CUX1: variants seen among roughly 807,000 people sequenced by gnomAD.
CUX1 encodes the protein protein CASP.
In CUX1, 31 loss-of-function variants were observed where a neutral mutation model predicts 158.8. That is an observed-to-expected ratio of 0.20 (90% CI 0.15 to 0.26). CUX1 has a LOEUF of 0.26. Among genes scored for constraint, CUX1 ranks in the 10% least tolerant of loss-of-function variants. The pLI, the probability that CUX1 is intolerant of heterozygous loss-of-function variation, is 1.00. For synonymous variants in CUX1, 879 were observed against 862.1 expected (o/e 1.02, Z -0.34); for missense variants, 1,589 against 2,014.6 (o/e 0.79, Z 4.04).
At chr7:102,182,975 A>C (rs1359139161) in intron 11 of CUX1, among the ~76,000 whole-genome samples, 7 of 152,166 alleles carry the variant, frequency 4.6e-5, no homozygotes, top group African/African-American at 1.7e-4. Context: ...CATGCGTTAG[A>C]ATCACCTAGG....
chr7:101,973,064 C>T, intron 2 of CUX1, among the ~76,000 whole-genome samples: 1 of 152,226 alleles, frequency 6.6e-6, no homozygotes, highest in Non-Finnish European at 1.5e-5. Context: ...GAAATCCCCG[C>T]ATGCACCTTC....
At chr7:102,074,357 G>A (rs1042219767) in intron 4 of CUX1, among the ~76,000 whole-genome samples, 2 of 152,196 alleles carry the variant, frequency 1.3e-5, no homozygotes, top group South Asian at 2.1e-4. Flanking sequence ...AGGGAGAGCC[G>A]CCAAGCTGGC....
chr7:101,956,642 A>C (rs1266703415), intron 2 of CUX1, among the ~76,000 whole-genome samples: 1 of 152,188 alleles, frequency 6.6e-6, no homozygotes, highest in African/African-American at 2.4e-5. Flanking sequence ...CCAAGGAAAA[A>C]AATTAGAAAT....
chr7:101,968,656 C>A (rs1406253569), intron 2 of CUX1, among the ~76,000 whole-genome samples: 1 of 152,160 alleles, frequency 6.6e-6, no homozygotes, highest in East Asian at 1.9e-4. Flanking sequence ...CTCCTGGCCT[C>A]AAGTGATCCA....
intron 2 of CUX1, among the ~76,000 whole-genome samples, chr7:101,989,027 G>T (rs545043108): frequency 1.3e-5 from 2 of 151,624 alleles, no homozygotes; most frequent in African/African-American, 4.9e-5. Context: ...AATAATATTT[G>T]TAGGGGAAGG....
At chr7:102,130,987 G>A (rs1554496989) in intron 8 of CUX1, among the ~76,000 whole-genome samples, 1 of 150,592 alleles carries the variant, frequency 6.6e-6, no homozygotes, top group African/African-American at 2.4e-5. Context: ...TGTCTCTACT[G>A]AAAATACGAA....
chr7:102,282,930 A>C (rs1175610541), intron 22 of CUX1: 4 of 577,860 alleles, frequency 6.9e-6, no homozygotes, highest in Admixed American at 3.0e-5. Flanking sequence ...CCCGGTATCC[A>C]CTACCCCCTA....
intron 1 of CUX1, among the ~76,000 whole-genome samples, chr7:101,874,679 G>T (rs2970495): frequency 6.6e-6 from 1 of 152,020 alleles, no homozygotes; most frequent in Non-Finnish European, 1.5e-5. Flanking sequence ...GGTTCTGCCC[G>T]GGTTTCTGTC....
At chr7:101,865,902 CA>C (rs1797887035) in intron 1 of CUX1, among the ~76,000 whole-genome samples, 1 of 152,174 alleles carries the variant, frequency 6.6e-6, no homozygotes, top group South Asian at 2.1e-4. Flanking sequence ...GAGACCTTGG[CA>C]ACGCAGGCGA....
chr7:102,273,603 C>T, intron 15 of CUX1: 1 of 1,352,310 alleles, frequency 7.4e-7, no homozygotes, highest in Non-Finnish European at 1.0e-6. Flanking sequence ...CTGGTGACAA[C>T]CCAGAAGGGC....
intron 1 of CUX1, among the ~76,000 whole-genome samples, chr7:101,850,853 C>G (rs1359200724): frequency 6.6e-6 from 1 of 152,200 alleles, no homozygotes; most frequent in Non-Finnish European, 1.5e-5. Context: ...AATTCCAGTG[C>G]TTTGGAAGGC....
chr7:102,237,395 C>T (rs1799683122), intron 22 of CUX1, among the ~76,000 whole-genome samples: 1 of 151,868 alleles, frequency 6.6e-6, no homozygotes, highest in Non-Finnish European at 1.5e-5. Flanking sequence ...GTGATCCTCC[C>T]ATCCCAGCTA....
intron 20 of CUX1, among the ~76,000 whole-genome samples, chr7:102,227,142 C>T (rs1183938356): frequency 1.3e-5 from 2 of 151,956 alleles, no homozygotes; most frequent in African/African-American, 2.4e-5. Flanking sequence ...TCTTTTAAAC[C>T]CCTAGTTTTT....
rs576575879 is a variant in CUX1 at position 102,193,942 on chromosome 7, A to G, written c.1125+52A>G. ...ACTAGCATCAGCCCCGCTGCTGGTTACCACTGGTCCCTCCGGCATATCCCA... is the reference window on the plus strand; with the variant it reads ...ACTAGCATCAGCCCCGCTGCTGGTTGCCACTGGTCCCTCCGGCATATCCCA... On this transcript the variant is annotated intron_variant, in intron 13 of 23. Coordinates refer to ENST00000292535, the MANE Select transcript of CUX1 (RefSeq NM_181552.4). The G allele has an allele frequency of 8.3e-6, 13 of 1,563,320 alleles. No individual in the cohort carries two copies. The Admixed American group carries it at 1.8e-4, about 22-fold the overall frequency.
intron 1 of CUX1, among the ~76,000 whole-genome samples, chr7:101,895,099 C>T (rs746262925): frequency 3.3e-5 from 5 of 152,134 alleles, no homozygotes; most frequent in Admixed American, 6.5e-5. Context: ...TGGCTCACTG[C>T]AACCTCTGCC....
rs1792045467 is a variant in CUX1 at position 101,817,816 on chromosome 7, G to A, written c.30+147G>A. 10 of 927,598 alleles carry A rather than the reference G, an allele frequency of 1.1e-5. No homozygotes were observed. Among genetic ancestry groups the A allele is most frequent in the African/African-American group, 1.7e-5 (1 of 59,082 alleles). 57.5% of individuals were successfully genotyped at this position (927,598 alleles called of 1,614,324 possible). A position where few individuals can be genotyped will look rare whatever the true frequency, so the allele number is the denominator to read the frequency against. On this transcript the variant is annotated intron_variant, in intron 1 of 23. Transcript: ENST00000292535. The surrounding 1 kb of genome is among the most constrained non-coding windows in gnomAD (Gnocchi z 4.1). Reference sequence around the variant, plus strand: ...ATAGGAGGGTTCCTCAGGGCCCCTGGGGAACTGCAGCTACTCCCAACTGCT... The same window carrying A: ...ATAGGAGGGTTCCTCAGGGCCCCTGAGGAACTGCAGCTACTCCCAACTGCT...
At position 102,249,416 on chromosome 7, in the gene CUX1, C is replaced by T. The variant is rs1255357897; in HGVS notation, c.*374C>T. 2 of 987,688 alleles carry T rather than the reference C, an allele frequency of 2.0e-6. No individual in the cohort carries two copies. The highest frequency in any genetic ancestry group is 2.4e-6 in the Non-Finnish European group (2 of 831,282). The allele number at this position is 987,688 out of a possible 1,614,324, so 61.2% of individuals were successfully genotyped here. A position where few individuals can be genotyped will look rare whatever the true frequency, so the allele number is the denominator to read the frequency against. ...ATAGAAAACAAAGGAGCATTAAGCC[C>T]AATCTATGTCGTGTTTTCAAGGAAG... is the stretch of plus-strand genomic sequence containing the variant. On this transcript the variant is annotated 3_prime_UTR_variant, in exon 24 of 24. Transcript: ENST00000292535.
At chr7:102,278,317 C>T (rs1455408017) in intron 18 of CUX1, among the ~76,000 whole-genome samples, 4 of 152,204 alleles carry the variant, frequency 2.6e-5, no homozygotes, top group African/African-American at 7.2e-5. Flanking sequence ...GGACCAGGCA[C>T]GGTGGCTCAT....
rs1447602099 is a variant in CUX1 at position 102,253,749 on chromosome 7, T to C, written c.*4707T>C. 1.0e-6 allele frequency: 1 copy of C among 985,366 alleles called. No individual in the cohort carries two copies. Among genetic ancestry groups the C allele is most frequent in the Middle Eastern group, 5.2e-4 (1 of 1,912 alleles). The allele number at this position is 985,366 out of a possible 1,614,324, so 61.0% of individuals were successfully genotyped here. Reference sequence around the variant, plus strand: ...AACAAAAGCCCATAGACCTTACTCATCCCAAGGCCGACAAGCCAGCTGTAC... The same window carrying C: ...AACAAAAGCCCATAGACCTTACTCACCCCAAGGCCGACAAGCCAGCTGTAC... On this transcript the variant is annotated 3_prime_UTR_variant, in exon 24 of 24. Transcript: ENST00000292535.
Sources: allele counts gnomAD v4.1 joint callset (sites outside exome capture counted in the v4.1 genomes callset), GRCh38; gene constraint gnomAD v4.1.1; non-coding constraint Gnocchi (gnomAD v3.1); transcripts MANE v1.5; gene names NCBI Gene and HGNC (gene_info 2026-07-23, HGNC 2026-07-21).